RAC2: variants seen among roughly 807,000 people sequenced by gnomAD.
The protein encoded by RAC2 is Rac family small GTPase 2, also known as ras-related C3 botulinum toxin substrate 2.
In RAC2, 1 loss-of-function variant was observed where a neutral mutation model predicts 24.0. The observed-to-expected ratio is 0.04, with a 90% CI of 0.01 to 0.20. The LOEUF is 0.20. Among genes scored for constraint, RAC2 ranks in the 10% least tolerant of loss-of-function variants. The pLI, the probability that RAC2 is intolerant of heterozygous loss-of-function variation, is 1.00. For synonymous variants in RAC2, 114 were observed against 106.8 expected (o/e 1.07, Z -0.41); for missense variants, 130 against 259.1 (o/e 0.50, Z 3.42).
intron 2 of RAC2, 105 bp from the exon 3 acceptor site, chr22:37,233,023 A>G: frequency 1.2e-6 from 1 of 847,124 alleles, no homozygotes; most frequent in African/African-American, 1.7e-5. Flanking sequence ...ACCTAGAGAC[A>G]GTCTGCGACT....
chr22:37,231,238 C>T lies in RAC2; in HGVS notation c.441G>A (p.Lys147=), dbSNP rs371491612. Residue 147 remains lysine (K), a synonymous_variant, in exon 5 of 7, where the codon AAG becomes AAA. Transcript: ENST00000249071. The surrounding 1 kb of genome is among the most constrained non-coding windows in gnomAD (Gnocchi z 5.5). ...ITYPQGLALA[K]EIDSVKYLEC... ...TGAGCCCGAGGCCCATACCAATCTC[C>T]TTGGCCAGTGCCAGGCCCTGCGGGT... 1 of 1,613,468 alleles carries T rather than the reference C, an allele frequency of 6.2e-7. No individual in the cohort carries two copies. Among genetic ancestry groups the T allele is most frequent in the Non-Finnish European group, 8.5e-7 (1 of 1,180,020 alleles).
chr22:37,242,782 G>A (rs141074733), intron 1 of RAC2, among the ~76,000 whole-genome samples: 216 of 152,332 alleles, frequency 1.4e-3, no homozygotes, highest in African/African-American at 5.1e-3. Flanking sequence ...AAATGGGCCC[G>A]CCCCCACCTA....
intron 5 of RAC2, among the ~76,000 whole-genome samples, chr22:37,228,475 A>T (rs1457634963): frequency 6.6e-6 from 1 of 152,214 alleles, no homozygotes; most frequent in Non-Finnish European, 1.5e-5. Flanking sequence ...CCGAGATGCT[A>T]TGCAGGCCTG....
rs1242686560 is a variant in RAC2 at position 37,231,204 on chromosome 22, T to A, written c.448+27A>T. 2.5e-6 allele frequency: 4 copies of A among 1,612,164 alleles called. No homozygotes were observed. Among genetic ancestry groups the A allele is most frequent in the Admixed American group, 3.3e-5 (2 of 60,000 alleles). ...AGTCAGGGCCTCCCCTGCAGCCAGA[T>A]CGCCCCTCTGAGCCCGAGGCCCATA... On this transcript the variant is annotated intron_variant, in intron 5 of 6. Transcript: ENST00000249071. This position sits in a 1 kb window ranked among gnomAD's most constrained non-coding sequence, Gnocchi z 5.5.
At chr22:37,237,231 G>C (rs879433264) in intron 2 of RAC2, among the ~76,000 whole-genome samples, 33 of 149,556 alleles carry the variant, frequency 2.2e-4, no homozygotes, top group African/African-American at 7.9e-4. Flanking sequence ...AAGGGAGGGA[G>C]GGAAGGAGGG....
chr22:37,241,446 G>A, intron 2 of RAC2, 141 bp downstream of exon 2: 1 of 922,436 alleles, frequency 1.1e-6, no homozygotes, highest in African/African-American at 1.6e-5. Context: ...CTTCTTGGCT[G>A]GACTGTCAGG....
In RAC2 at chr22:37,231,465, A is replaced by T. The variant is rs1569089525; in HGVS notation, c.289-75T>A. The T allele has an allele frequency of 2.8e-6, 4 of 1,435,360 alleles. No individual in the cohort carries two copies. Among genetic ancestry groups the T allele is most frequent in the Non-Finnish European group, 1.9e-6 (2 of 1,026,832 alleles). The allele number at this position is 1,435,360 out of a possible 1,614,324, so 88.9% of individuals were successfully genotyped here. On this transcript the variant is annotated intron_variant, in intron 4 of 6. Coordinates refer to ENST00000249071, the MANE Select transcript of RAC2 (RefSeq NM_002872.5). The surrounding 1 kb of genome is among the most constrained non-coding windows in gnomAD (Gnocchi z 5.5). ...GCGAGGCTGTGCGGGGATCAGAGGGAGTGTGAGGGTGTAGGGAGAGGAGAG... is the reference window on the plus strand; with the variant it reads ...GCGAGGCTGTGCGGGGATCAGAGGGTGTGTGAGGGTGTAGGGAGAGGAGAG...
chr22:37,229,852 G>A (rs1301236092), intron 5 of RAC2, among the ~76,000 whole-genome samples: 1 of 152,164 alleles, frequency 6.6e-6, no homozygotes, highest in Admixed American at 6.5e-5. Context: ...CTAACCCAAG[G>A]TCACACAGCC....
chr22:37,242,589 C>T (rs1927435721), intron 1 of RAC2, among the ~76,000 whole-genome samples: 1 of 152,204 alleles, frequency 6.6e-6, no homozygotes, highest in African/African-American at 2.4e-5. Context: ...GACAGCTCAT[C>T]CTCTCCTCCT....
At chr22:37,237,918 T>A (rs534993641) in intron 2 of RAC2, among the ~76,000 whole-genome samples, 8 of 150,066 alleles carry the variant, frequency 5.3e-5, no homozygotes, top group African/African-American at 1.7e-4. Context: ...GGTGGTGGGA[T>A]GGAGAGGGCA....
chr22:37,231,707 C>CA lies in RAC2; in HGVS notation c.288+224dup, dbSNP rs1927068011. On this transcript the variant is annotated intron_variant, in intron 4 of 6. Transcript: ENST00000249071. This position sits in a 1 kb window ranked among gnomAD's most constrained non-coding sequence, Gnocchi z 5.5. ...AGGTTGTGTGGGGAGGAGGAGAATG[C>CA]AGCCATGGAAAGTGGGGGTATAGCT... Among the ~76,000 whole-genome samples, 1 of 151,994 alleles carries CA rather than the reference C, an allele frequency of 6.6e-6. No homozygotes were observed. Among genetic ancestry groups the CA allele is most frequent in the Non-Finnish European group, 1.5e-5 (1 of 67,994 alleles).
intron 2 of RAC2, among the ~76,000 whole-genome samples, chr22:37,237,507 C>T (rs980945892): frequency 6.6e-6 from 1 of 152,110 alleles, no homozygotes; most frequent in Non-Finnish European, 1.5e-5. Context: ...AGGGATGGGG[C>T]TGCCGAGAGG....
chr22:37,241,798 C>A, intron 1 of RAC2, 140 bp from the exon 2 acceptor site: 1 of 753,824 alleles, frequency 1.3e-6, no homozygotes, highest in Non-Finnish European at 2.4e-6. Flanking sequence ...TGTGAGATGC[C>A]CCCTGTCTGT....
At position 37,241,662 on chromosome 22, in the gene RAC2, A is replaced by T. The variant is rs1486535443; in HGVS notation, c.36-4T>A. ...AAGGCAGGTCTTGCCCACGGCCCTG[A>T]AAGACAGGAAGTGCAAGAGGGCGGC... On this transcript the variant is annotated splice_polypyrimidine_tract_variant and splice_region_variant and intron_variant, in intron 1 of 6. Transcript: ENST00000249071. 1 of 1,613,720 alleles carries T rather than the reference A, an allele frequency of 6.2e-7. No homozygotes were observed. The highest frequency in any genetic ancestry group is 8.5e-7 in the Non-Finnish European group (1 of 1,179,612).
chr22:37,240,267 G>C (rs753359292), intron 2 of RAC2, among the ~76,000 whole-genome samples: 1 of 152,208 alleles, frequency 6.6e-6, no homozygotes, highest in Non-Finnish European at 1.5e-5. Flanking sequence ...CCTGATCCCT[G>C]CCCCTGAAAG....
Position 37,241,024 on chromosome 22 carries a change from G to C in RAC2, c.107+563C>G, listed in dbSNP as rs1303013310. Reference sequence around the variant, plus strand: ...GTCGGGGAAATGTCCTAGGAGTGATGGGGACCCCTGAGGGCTGGCCAGGGA... The same window carrying C: ...GTCGGGGAAATGTCCTAGGAGTGATCGGGACCCCTGAGGGCTGGCCAGGGA... On this transcript the variant is annotated intron_variant, in intron 2 of 6. Coordinates refer to ENST00000249071, the MANE Select transcript of RAC2 (RefSeq NM_002872.5). The C allele has an allele frequency of 5.6e-6, 4 of 717,446 alleles. No homozygotes were observed. The African/African-American group carries it at 7.0e-5, about 13-fold the overall frequency. 44.4% of individuals were successfully genotyped at this position (717,446 alleles called of 1,614,324 possible).
intron 6 of RAC2, 142 bp downstream of exon 6, chr22:37,226,529 G>A (rs1415451813): frequency 1.8e-6 from 2 of 1,100,820 alleles, no homozygotes; most frequent in Admixed American, 2.2e-5. Flanking sequence ...CAGATGACAA[G>A]TAGGCTGCGG....
At chr22:37,232,695 G>C in intron 3 of RAC2, 106 bp downstream of exon 3, 1 of 925,440 alleles carries the variant, frequency 1.1e-6, no homozygotes, top group Non-Finnish European at 1.7e-6. Flanking sequence ...TGGGCCTTAA[G>C]GGGAGAGGTA....
At position 37,226,677 on chromosome 22, in the gene RAC2, A is replaced by T. The variant is rs766621971; in HGVS notation, c.575T>A (p.Leu192His). The change falls in exon 6 of 7, where the codon CTC becomes CAC. Residue 192 changes from leucine (L) to histidine (H), a missense_variant. Leu to His is a moderately conservative substitution (Grantham distance 99, BLOSUM62 -3). This residue lies in a region of RAC2 where 119 missense variants were observed against 192.1 expected (regional missense o/e 0.62). Transcript: ENST00000249071. ...TAGAGTGGGGGACTCTTACCCCTAG[A>T]GGAGGCTGCAGGCGCGCTTCTGCTG... ...TRQQKRACSL[L>H] The T allele has an allele frequency of 6.2e-7, 1 of 1,612,796 alleles. No homozygotes were observed. Among genetic ancestry groups the T allele is most frequent in the South Asian group, 1.1e-5 (1 of 91,048 alleles).
Sources: allele counts gnomAD v4.1 joint callset (sites outside exome capture counted in the v4.1 genomes callset), GRCh38; gene constraint gnomAD v4.1.1; regional missense constraint gnomAD v4.1.1; non-coding constraint Gnocchi (gnomAD v3.1); transcripts MANE v1.5; gene names NCBI Gene and HGNC (gene_info 2026-07-23, HGNC 2026-07-21).